Variants in ABCC1 observed in about 807,000 individuals in gnomAD.
The protein encoded by ABCC1 is multidrug resistance-associated protein 1.
ABCC1 carries 83 observed loss-of-function variants against 172.9 expected under a neutral mutation model. The ratio of observed to expected loss-of-function variants is 0.48; its 90% CI spans 0.40 to 0.58. The LOEUF (loss-of-function observed/expected upper bound fraction) is 0.58. Ranked by LOEUF, ABCC1 falls within the 20% of genes least tolerant of loss-of-function variation. The pLI, the probability that ABCC1 is intolerant of heterozygous loss-of-function variation, is 0.00. For missense variants in ABCC1, 1,817 were observed against 2,002.7 expected (o/e 0.91, Z 1.77); for synonymous variants, 937 against 825.2 (o/e 1.14, Z -2.32).
intron 1 of ABCC1, among the ~76,000 whole-genome samples, chr16:15,986,991 C>T (rs1404394669): frequency 6.6e-6 from 1 of 152,032 alleles, no homozygotes; most frequent in Non-Finnish European, 1.5e-5. Flanking sequence ...GTGGCGAAAC[C>T]CCATCTCTCC....
intron 1 of ABCC1, among the ~76,000 whole-genome samples, chr16:15,982,887 G>A (rs1323255671): frequency 6.6e-6 from 1 of 150,628 alleles, no homozygotes. Context: ...TTGGCCCACA[G>A]GCTGTGGTTC....
chr16:16,054,769 G>A (rs1164709222), intron 11 of ABCC1, among the ~76,000 whole-genome samples: 2 of 152,148 alleles, frequency 1.3e-5, no homozygotes, highest in African/African-American at 4.8e-5. Context: ...AGCACTAAAT[G>A]ATAAGAGTTC....
intron 4 of ABCC1, among the ~76,000 whole-genome samples, chr16:16,015,429 C>T (rs529174461): frequency 3.3e-5 from 5 of 152,300 alleles, no homozygotes; most frequent in East Asian, 1.9e-4. Flanking sequence ...TGAGCCACCA[C>T]GCCTGACCTG....
intron 13 of ABCC1, among the ~76,000 whole-genome samples, chr16:16,069,157 T>TA (rs1380666361): frequency 1.5e-5 from 2 of 133,136 alleles, no homozygotes; most frequent in African/African-American, 6.0e-5. Context: ...AAAAATAAAA[T>TA]AAAATAAAAT....
chr16:16,129,617 A>C (rs1285886872), intron 26 of ABCC1, among the ~76,000 whole-genome samples: 1 of 150,082 alleles, frequency 6.7e-6, no homozygotes. Context: ...GGCTCACTGC[A>C]ACCTCTGCCT....
At chr16:16,077,190 G>A (rs1429074002) in intron 15 of ABCC1, among the ~76,000 whole-genome samples, 3 of 152,190 alleles carry the variant, frequency 2.0e-5, no homozygotes, top group Non-Finnish European at 4.4e-5. Context: ...GCAAAACACA[G>A]GGGTGATGGG....
At chr16:16,140,533 A>C (rs1373428903) in intron 30 of ABCC1, among the ~76,000 whole-genome samples, 1 of 152,104 alleles carries the variant, frequency 6.6e-6, no homozygotes, top group East Asian at 1.9e-4. Flanking sequence ...AGTACCACCT[A>C]CTAAGTGGCA....
Position 16,131,949 on chromosome 16 carries a change from G to A in ABCC1, c.3966+14G>A, listed in dbSNP as rs575263464. On this transcript the variant is annotated intron_variant, in intron 27 of 30. Coordinates refer to ENST00000399410, the MANE Select transcript of ABCC1 (RefSeq NM_004996.4). ...GGGGGAGAAAAGGTGGGTACACATC[G>A]CCCCATTCCCTCACCCATTCCCAGT... 9.9e-6 allele frequency: 16 copies of A among 1,610,234 alleles called. No individual in the cohort carries two copies. The highest frequency in any genetic ancestry group is 1.7e-4 in the Middle Eastern group (1 of 6,034).
chr16:16,094,348 G>T, intron 19 of ABCC1: 1 of 253,828 alleles, frequency 3.9e-6, no homozygotes, highest in South Asian at 5.0e-5. Context: ...TTGGGCCGCC[G>T]ACCTTGTGGC....
intron 4 of ABCC1, among the ~76,000 whole-genome samples, chr16:16,014,893 A>G (rs2047937825): frequency 6.6e-6 from 1 of 152,130 alleles, no homozygotes; most frequent in Admixed American, 6.5e-5. Context: ...CAAGGGCAGG[A>G]GCTGTGGGCC....
chr16:15,988,444 G>A (rs215074), intron 1 of ABCC1, among the ~76,000 whole-genome samples: 17,362 of 152,162 alleles, frequency 0.11, 1,526 homozygotes, highest in African/African-American at 0.25. Context: ...TGTTACTGCA[G>A]TGTCCCCAGA....
chr16:15,952,999 G>A (rs1369999250), intron 1 of ABCC1, among the ~76,000 whole-genome samples: 1 of 150,326 alleles, frequency 6.7e-6, no homozygotes, highest in African/African-American at 2.5e-5. Flanking sequence ...CTGAGATCAC[G>A]GTCACTGCAC....
At chr16:15,999,815 T>TCTCTCTCTCTCTC (rs2047209897) in intron 1 of ABCC1, among the ~76,000 whole-genome samples, 1 of 55,014 alleles carries the variant, frequency 1.8e-5, no homozygotes, top group African/African-American at 5.3e-5. Flanking sequence ...CTCTCCTCTC[T>TCTCTCTCTCTCTC]CTCTCTCTCT....
chr16:16,029,471 G>A (rs910828023), intron 5 of ABCC1, among the ~76,000 whole-genome samples: 7 of 152,040 alleles, frequency 4.6e-5, no homozygotes, highest in Admixed American at 1.3e-4. Context: ...CAGTTCTCCC[G>A]CCTCAGCCTC....
intron 26 of ABCC1, 53 bp from the exon 27 acceptor site, chr16:16,131,736 C>A: frequency 1.9e-6 from 3 of 1,592,300 alleles, no homozygotes; most frequent in Non-Finnish European, 1.7e-6. Flanking sequence ...GGAGTCACAG[C>A]TTTACCAGAT....
intron 3 of ABCC1, among the ~76,000 whole-genome samples, chr16:16,011,254 AAGG>A (rs2047773018): frequency 6.6e-6 from 1 of 151,674 alleles, no homozygotes; most frequent in South Asian, 2.1e-4. Flanking sequence ...AGAAAAAAAA[AAGG>A]AGAGAACAAG....
At chr16:16,084,884 A>G (rs761636246) in intron 17 of ABCC1, among the ~76,000 whole-genome samples, 42 of 152,064 alleles carry the variant, frequency 2.8e-4, no homozygotes, top group African/African-American at 8.7e-4. Flanking sequence ...GCCTCTCACA[A>G]TGCTGGGATT....
chr16:15,996,051 C>T (rs1009279799), intron 1 of ABCC1, among the ~76,000 whole-genome samples: 1 of 135,920 alleles, frequency 7.4e-6, no homozygotes, highest in African/African-American at 2.8e-5. Flanking sequence ...GTGGCCTGAT[C>T]TCGGCTCACC....
chr16:16,118,441 TTTTCC>T (rs2044998135), intron 23 of ABCC1, among the ~76,000 whole-genome samples: 1 of 142,038 alleles, frequency 7.0e-6, no homozygotes, highest in Non-Finnish European at 1.6e-5. Context: ...TTTTTTTTTT[TTTTCC>T]CCTGCATTTA....
Sources: allele counts gnomAD v4.1 joint callset (sites outside exome capture counted in the v4.1 genomes callset), GRCh38; gene constraint gnomAD v4.1.1; transcripts MANE v1.5; gene names NCBI Gene and HGNC (gene_info 2026-07-23, HGNC 2026-07-21).